Variants in NIBAN3 observed in about 807,000 individuals in gnomAD.
NIBAN3 encodes the protein niban apoptosis regulator 3, also known as protein Niban 3.
NIBAN3 carries 66 observed loss-of-function variants against 76.4 expected under a neutral mutation model. The ratio of observed to expected loss-of-function variants is 0.86; its 90% CI spans 0.71 to 1.06. The LOEUF (loss-of-function observed/expected upper bound fraction) is 1.06, where lower values mean the gene tolerates loss of function less well. NIBAN3 is among the 50% of genes least tolerant of loss of function. The pLI is 0.00. For synonymous variants in NIBAN3, 360 were observed against 355.2 expected, an observed-to-expected ratio of 1.01 and a Z score of -0.15; for missense variants, 808 against 810.7, an observed-to-expected ratio of 1.00 and a Z score of 0.04.
chr19:17,524,488 T>A (rs987297547), upstream of NIBAN3, among the ~76,000 whole-genome samples: 1 of 139,878 alleles, frequency 7.1e-6, no homozygotes, highest in Non-Finnish European at 1.6e-5. Context: ...TTTCACCATG[T>A]TGGCCAGGCT....
chr19:17,539,658 C>G lies in NIBAN3; in HGVS notation c.872C>G (p.Ala291Gly). 2 of 1,565,276 alleles carry G rather than the reference C, an allele frequency of 1.3e-6. No homozygotes were observed. Among genetic ancestry groups the G allele is most frequent in the Non-Finnish European group, 1.7e-6 (2 of 1,154,752 alleles). The change falls in exon 8 of 15, where the codon GCC becomes GGC. Residue 291 changes from alanine to glycine, a missense_variant. Transcript: ENST00000599164. ...VLAGASAGLC[A>G]FQPEKDELLA... is the part of the protein sequence containing the mutation. Reference sequence around the variant, plus strand: ...GCCGGGGCCTCCGCCGGGCTCTGCGCCTTCCAGCCCGAAAAGGACGAGCTG... The same window carrying G: ...GCCGGGGCCTCCGCCGGGCTCTGCGGCTTCCAGCCCGAAAAGGACGAGCTG...
downstream of NIBAN3, among the ~76,000 whole-genome samples, chr19:17,555,232 A>G (rs952187891): frequency 1.3e-5 from 2 of 152,164 alleles, no homozygotes; most frequent in Admixed American, 6.6e-5. Context: ...ACAACCCTCA[A>G]TGACATCCCT....
chr19:17,554,008 T>A (rs1034419350), downstream of NIBAN3, among the ~76,000 whole-genome samples: 1 of 151,864 alleles, frequency 6.6e-6, no homozygotes, highest in African/African-American at 2.4e-5. Context: ...GTAGCTGGGA[T>A]TACAGGCGAA....
intron 12 of NIBAN3, chr19:17,545,487 G>A (rs763043410): frequency 1.6e-4 from 30 of 186,646 alleles, no homozygotes; most frequent in South Asian, 3.1e-4. Flanking sequence ...ACCAAGTTGC[G>A]GAGACCGGTA....
At chr19:17,545,615 G>A (rs62126830) in intron 12 of NIBAN3, 2,867 of 162,048 alleles carry the variant, frequency 0.018, 37 homozygotes, top group South Asian at 0.064. Context: ...GTGTCCACTG[G>A]ACAGGGGGCC....
In NIBAN3 at chr19:17,549,487, G is replaced by C; in HGVS notation, c.1710G>C (p.Leu570=). The C allele has an allele frequency of 1.9e-6, 3 of 1,613,980 alleles. No homozygotes were observed. The highest frequency in any genetic ancestry group is 2.5e-6 in the Non-Finnish European group (3 of 1,179,890). ...TLGANDVSCT[L]DGCLEVPWEQ... Reference sequence around the variant, plus strand: ...GTGCCAATGATGTATCCTGCACTCTGGACGGCTGCTTGGAGGTCCCATGGG... The same window carrying C: ...GTGCCAATGATGTATCCTGCACTCTCGACGGCTGCTTGGAGGTCCCATGGG... Residue 570 remains leucine (L), a synonymous_variant, in exon 14 of 15, where the codon CTG becomes CTC. Coordinates refer to ENST00000599164, the MANE Select transcript of NIBAN3 (RefSeq NM_001321827.2).
chr19:17,543,868 T>A, intron 12 of NIBAN3: 1 of 311,374 alleles, frequency 3.2e-6, no homozygotes, highest in Non-Finnish European at 6.0e-6. Context: ...GATGGGCGCC[T>A]GTAATTCCAG....
Position 17,550,070 on chromosome 19 carries a change from T to G in NIBAN3, c.1750+543T>G, listed in dbSNP as rs538084321. ...CCTGACCTCACATGATCTGACTGCC[T>G]CAGCCTCCCAAAGTGCTGGGATTAC... On this transcript the variant is annotated intron_variant, in intron 14 of 14. Coordinates refer to ENST00000599164, the MANE Select transcript of NIBAN3 (RefSeq NM_001321827.2). Among the ~76,000 whole-genome samples, 6 of 152,230 alleles carry G rather than the reference T, an allele frequency of 3.9e-5. No homozygotes were observed. The South Asian group carries it at 1.0e-3, about 26-fold the overall frequency.
At position 17,552,017 on chromosome 19, in the gene NIBAN3, C is replaced by T. The variant is rs567539395; in HGVS notation, c.*119C>T. On this transcript the variant is annotated 3_prime_UTR_variant, in exon 15 of 15. Transcript: ENST00000599164. Reference sequence around the variant, plus strand: ...ACCCCTGCAACTTCAGAAAACTGTACCATTTTATACTCCAAGCAGCAGCAT... The same window carrying T: ...ACCCCTGCAACTTCAGAAAACTGTATCATTTTATACTCCAAGCAGCAGCAT... 9.7e-5 allele frequency: 52 copies of T among 538,020 alleles called. 1 individual carries two copies. Among genetic ancestry groups the T allele is most frequent in the Non-Finnish European group, 1.6e-4 (47 of 292,818 alleles). The allele number at this position is 538,020 out of a possible 1,614,324, so 33.3% of individuals were successfully genotyped here.
rs1364084625 is a variant in NIBAN3, at chr19:17,553,271, T to G, written c.*1373T>G. 2 of 1,598,394 alleles carry G rather than the reference T, an allele frequency of 1.3e-6. No individual in the cohort carries two copies. The highest frequency in any genetic ancestry group is 2.7e-5 in the African/African-American group (2 of 73,976). On this transcript the variant is annotated 3_prime_UTR_variant, in exon 15 of 15. Transcript: ENST00000599164. ...GATACAGGTTACAGATTTTGGGGTT[T>G]TTTTCTCCGCTTGCTGTGAGCCTTT...
chr19:17,531,042 G>A (rs952772095), intron 2 of NIBAN3, among the ~76,000 whole-genome samples, 157 bp downstream of exon 2: 2 of 151,972 alleles, frequency 1.3e-5, no homozygotes, highest in South Asian at 2.1e-4. Context: ...AGCCAAGCAA[G>A]GTGGCTCCCG....
rs1433150472 is a variant in NIBAN3 at position 17,539,625 on chromosome 19, C to T, written c.839C>T (p.Ala280Val). The change falls in exon 8 of 15, where the codon GCT becomes GTT. Residue 280 changes from alanine (A) to valine (V), a missense_variant. Transcript: ENST00000599164. Reference protein sequence around the residue: ...WTELLDAVHAAVLAGASAGLC... With the variant: ...WTELLDAVHAVVLAGASAGLC... ...CAGCTTCTAGACGCCGTTCACGCAGCTGTCCTGGCCGGGGCCTCCGCCGGG... is the reference window on the plus strand; with the variant it reads ...CAGCTTCTAGACGCCGTTCACGCAGTTGTCCTGGCCGGGGCCTCCGCCGGG... 6.4e-7 allele frequency: 1 copy of T among 1,567,566 alleles called. No individual in the cohort carries two copies. The highest frequency in any genetic ancestry group is 1.8e-5 in the Admixed American group (1 of 55,534).
chr19:17,532,347 C>G lies in NIBAN3; in HGVS notation c.271C>G (p.Leu91Val). The change falls in exon 3 of 15, where the codon CTG (leucine) becomes GTG (valine). Residue 91 changes from leucine to valine, a missense_variant. Transcript: ENST00000599164. Reference protein sequence around the residue: ...PPRWQPIFCVLRGDGRLEWFS... With the variant: ...PPRWQPIFCVVRGDGRLEWFS... ...CCGGTGGCAGCCGATCTTCTGTGTT[C>G]TGCGTGGGGACGGCCGCCTAGAGTG... 6.2e-7 allele frequency: 1 copy of G among 1,614,172 alleles called. No individual in the cohort carries two copies. The highest frequency in any genetic ancestry group is 1.1e-5 in the South Asian group (1 of 91,088).
intron 12 of NIBAN3, chr19:17,545,170 A>C: frequency 8.5e-6 from 1 of 117,486 alleles, no homozygotes; most frequent in East Asian, 2.4e-4. Context: ...TATTTATTTT[A>C]TTTTATTTTA....
Position 17,546,834 on chromosome 19 carries a change from C to A in NIBAN3, c.1666+37C>A. 4 of 1,559,712 alleles carry A rather than the reference C, an allele frequency of 2.6e-6. No homozygotes were observed. In the South Asian group the frequency reaches 4.7e-5, roughly 18 times the overall value. The stretch of plus-strand genomic sequence containing the variant: ...CCTGCCATGGCTCAGAGGAGCCTGG[C>A]GTCCCTTGGCTGTATGTACCGAGCC... On this transcript the variant is annotated intron_variant, in intron 13 of 14. Coordinates refer to ENST00000599164, the MANE Select transcript of NIBAN3 (RefSeq NM_001321827.2).
rs2144804937 is a variant in NIBAN3 at position 17,553,615 on chromosome 19, C to T, written c.*1717C>T. ...CCCTCCAACCCCACCTTCCGAAATA[C>T]ATTTGCTCAATACATTTGCACTTCA... On this transcript the variant is annotated 3_prime_UTR_variant, in exon 15 of 15. Transcript: ENST00000599164. 3 of 1,493,592 alleles carry T rather than the reference C, an allele frequency of 2.0e-6. No homozygotes were observed. Among genetic ancestry groups the T allele is most frequent in the East Asian group, 2.3e-5 (1 of 44,200 alleles). The allele number at this position is 1,493,592 out of a possible 1,614,324, so 92.5% of individuals were successfully genotyped here. A position where few individuals can be genotyped will look rare whatever the true frequency, so the allele number is the denominator to read the frequency against.
At chr19:17,533,065 G>T (rs959212009) in intron 3 of NIBAN3, among the ~76,000 whole-genome samples, 4 of 152,096 alleles carry the variant, frequency 2.6e-5, no homozygotes, top group Non-Finnish European at 5.9e-5. Flanking sequence ...TTCAGCCCAG[G>T]AGTTCAAGAA....
intron 1 of NIBAN3, 97 bp from the exon 2 acceptor site, chr19:17,530,658 G>A: frequency 8.3e-7 from 1 of 1,209,564 alleles, no homozygotes; most frequent in Non-Finnish European, 1.1e-6. Flanking sequence ...ATGACTACAG[G>A]AGCCCCCAGG....
upstream of NIBAN3, among the ~76,000 whole-genome samples, chr19:17,523,815 C>G (rs2075580137): frequency 6.6e-6 from 1 of 152,214 alleles, no homozygotes; most frequent in South Asian, 2.1e-4. Context: ...CACATTCCCA[C>G]CCCAGGGCCT....
Sources: gnomAD v4.1 joint callset for allele counts (sites outside exome capture counted in the v4.1 genomes callset) on GRCh38, gnomAD v4.1.1 for gene constraint, MANE v1.5 for transcripts, NCBI Gene and HGNC (gene_info 2026-07-23, HGNC 2026-07-21) for gene names.